The following PRKG1 variants were observed in gnomAD, a reference collection of about 807,000 sequenced individuals.
The protein encoded by PRKG1 is cGMP-dependent protein kinase 1.
A neutral mutation model predicts 88.1 loss-of-function variants in PRKG1; 35 were observed. The observed-to-expected ratio is 0.40, with a 90% CI of 0.30 to 0.53. PRKG1 has a LOEUF of 0.53. PRKG1 is among the 20% of genes least tolerant of loss of function. The pLI, the probability that PRKG1 is intolerant of heterozygous loss-of-function variation, is 0.59. For synonymous variants in PRKG1, 303 were observed against 292.5 expected (o/e 1.04, Z -0.37); for missense variants, 540 against 839.8 (o/e 0.64, Z 4.41).
chr10:51,543,376 CATATTAA>C (rs1242985798), intron 3 of PRKG1, among the ~76,000 whole-genome samples: 2 of 152,096 alleles, frequency 1.3e-5, no homozygotes, highest in Non-Finnish European at 2.9e-5. Flanking sequence ...TGGTTAACAG[CATATTAA>C]TTGACACAGG....
intron 2 of PRKG1, among the ~76,000 whole-genome samples, chr10:51,446,685 C>A (rs865811042): frequency 3.9e-5 from 6 of 152,054 alleles, no homozygotes; most frequent in Admixed American, 2.0e-4. Flanking sequence ...TGATCTTCAT[C>A]CTTTCGTTCA....
At position 51,987,301 on chromosome 10, in the gene PRKG1, T is replaced by TAA. The variant is rs56313514; in HGVS notation, c.763-67175_763-67174dup. Among the ~76,000 whole-genome samples the TAA allele has an allele frequency of 6.8e-3, 1,020 of 151,050 alleles. 10 individuals are homozygous for TAA. Among genetic ancestry groups the TAA allele is most frequent in the African/African-American group, 0.023 (949 of 41,212 alleles). On this transcript the variant is annotated intron_variant, in intron 5 of 17. Coordinates refer to ENST00000373980, the MANE Select transcript of PRKG1 (RefSeq NM_006258.4). ...CCACTGCAAGCTTAGCACTTTTAAT[T>TAA]AAAAAAAAATTCGAGGGTTATGTGG...
chr10:51,791,026 AC>A (rs1202037162), intron 3 of PRKG1, among the ~76,000 whole-genome samples: 1 of 152,158 alleles, frequency 6.6e-6, no homozygotes, highest in African/African-American at 2.4e-5. Flanking sequence ...TTAATAGGCA[AC>A]CCTATAAGTT....
intron 8 of PRKG1, among the ~76,000 whole-genome samples, chr10:52,140,400 C>T (rs1837544241): frequency 6.6e-6 from 1 of 152,088 alleles, no homozygotes; most frequent in South Asian, 2.1e-4. Context: ...ATGCTTTACT[C>T]CATCCCCTCA....
chr10:51,386,271 C>T (rs539716782), intron 2 of PRKG1, among the ~76,000 whole-genome samples: 20 of 152,132 alleles, frequency 1.3e-4, no homozygotes, highest in African/African-American at 4.6e-4. Context: ...GTGACTGTTT[C>T]TATAGCAGTC....
intron 1 of PRKG1, among the ~76,000 whole-genome samples, chr10:51,085,002 C>T (rs1342458811): frequency 6.6e-6 from 1 of 152,136 alleles, no homozygotes; most frequent in Non-Finnish European, 1.5e-5. Context: ...CCAGTTTTAT[C>T]AGTAAATTAT....
chr10:51,699,352 G>T, intron 3 of PRKG1: 1 of 1,614,044 alleles, frequency 6.2e-7, no homozygotes, highest in Non-Finnish European at 8.5e-7. Flanking sequence ...CGGTCTCCTG[G>T]TCTTGGTATT....
chr10:51,363,264 A>G (rs1283301742), intron 2 of PRKG1, among the ~76,000 whole-genome samples: 1 of 151,922 alleles, frequency 6.6e-6, no homozygotes, highest in East Asian at 1.9e-4. Context: ...GATTGAGTAA[A>G]AAAAATTTTT....
At position 52,295,809 on chromosome 10, in the gene PRKG1, A is replaced by C. The variant is rs745748980; in HGVS notation, c.*1909A>C. ...ATATGGTATCTTATGAAAATATAAT[A>C]TTCTTAAAATTTTGGAGGATAAAAT... is the stretch of plus-strand genomic sequence containing the variant. On this transcript the variant is annotated 3_prime_UTR_variant, in exon 18 of 18. Coordinates refer to ENST00000373980, the MANE Select transcript of PRKG1 (RefSeq NM_006258.4). 2.6e-5 allele frequency: 4 copies of C among 151,974 alleles called. No homozygotes were observed. Among genetic ancestry groups the C allele is most frequent in the Non-Finnish European group, 5.9e-5 (4 of 67,920 alleles). The allele number at this position is 151,974 out of a possible 1,614,324, so 9.4% of individuals were successfully genotyped here.
chr10:51,160,476 G>C (rs1407459710), intron 2 of PRKG1, among the ~76,000 whole-genome samples: 1 of 152,148 alleles, frequency 6.6e-6, no homozygotes, highest in Non-Finnish European at 1.5e-5. Flanking sequence ...CTTAATGTAT[G>C]TGAAACTTCA....
intron 9 of PRKG1, among the ~76,000 whole-genome samples, chr10:52,201,976 G>T (rs12240364): frequency 0.034 from 5,129 of 152,142 alleles, 309 homozygotes; most frequent in African/African-American, 0.12. Context: ...AAGTTTTATA[G>T]ACGTAAAATC....
intron 3 of PRKG1, among the ~76,000 whole-genome samples, chr10:51,794,611 A>C (rs1181850367): frequency 6.6e-6 from 1 of 152,094 alleles, no homozygotes; most frequent in Non-Finnish European, 1.5e-5. Flanking sequence ...GAAAAATGCC[A>C]AGAGAATGGA....
chr10:51,870,211 G>A (rs1352262349), intron 4 of PRKG1, among the ~76,000 whole-genome samples: 1 of 152,134 alleles, frequency 6.6e-6, no homozygotes, highest in Non-Finnish European at 1.5e-5. Flanking sequence ...ATTGTGCATT[G>A]TTAGGAAATA....
intron 3 of PRKG1, among the ~76,000 whole-genome samples, chr10:51,591,154 T>A (rs2132207577): frequency 6.6e-6 from 1 of 152,322 alleles, no homozygotes; most frequent in South Asian, 2.1e-4. Flanking sequence ...TATGTGTGTG[T>A]GTGTGTGTGT....
chr10:51,917,270 G>A (rs1842362381), intron 5 of PRKG1, among the ~76,000 whole-genome samples: 1 of 146,420 alleles, frequency 6.8e-6, no homozygotes, highest in Admixed American at 6.9e-5. Context: ...AGCGGGCCAA[G>A]ATCGTGCCAC....
At chr10:51,821,564 T>C (rs1839746197) in intron 4 of PRKG1, among the ~76,000 whole-genome samples, 1 of 152,090 alleles carries the variant, frequency 6.6e-6, no homozygotes, top group South Asian at 2.1e-4. Flanking sequence ...AAATACCACA[T>C]AGTCTGCAAA....
chr10:51,453,610 A>G (rs1839501226), intron 2 of PRKG1, among the ~76,000 whole-genome samples: 1 of 151,964 alleles, frequency 6.6e-6, no homozygotes, highest in South Asian at 2.1e-4. Context: ...ATGTATTTGT[A>G]TAGTTTTGAG....
At chr10:51,557,063 C>T (rs1438675508) in intron 3 of PRKG1, among the ~76,000 whole-genome samples, 2 of 151,956 alleles carry the variant, frequency 1.3e-5, no homozygotes, top group African/African-American at 4.8e-5. Context: ...GCTTCTCCCC[C>T]AATCCCACAC....
chr10:52,272,287 T>G, intron 11 of PRKG1, 105 bp from the exon 12 acceptor site: 1 of 806,574 alleles, frequency 1.2e-6, no homozygotes, highest in Non-Finnish European at 1.9e-6. Context: ...TCTGACAAAA[T>G]TTTGAGCTTG....
Sources: gnomAD v4.1 joint callset for allele counts (sites outside exome capture counted in the v4.1 genomes callset) on GRCh38, gnomAD v4.1.1 for gene constraint, MANE v1.5 for transcripts, NCBI Gene and HGNC (gene_info 2026-07-23, HGNC 2026-07-21) for gene names.